The following ZNF595 variants were observed in gnomAD, a reference collection of about 807,000 sequenced individuals.
ZNF595 encodes zinc finger protein 595.
In ZNF595, 9 loss-of-function variants were observed where a neutral mutation model predicts 19.4. The observed-to-expected ratio is 0.46, with a 90% confidence interval of 0.28 to 0.81. ZNF595 has a LOEUF of 0.81. Among genes scored for constraint, ZNF595 ranks in the 30% least tolerant of loss-of-function variants. ZNF595 has a pLI of 0.11. For missense variants in ZNF595, 729 were observed against 736.0 expected (o/e 0.99, Z 0.11); for synonymous variants, 255 against 255.9 (o/e 1.00, Z 0.03).
rs1553801987 is a variant in ZNF595, at chr4:87,164, C to T, written c.1660C>T (p.His554Tyr). 29 of 1,614,018 alleles carry T rather than the reference C, an allele frequency of 1.8e-5. No individual in the cohort carries two copies. The highest frequency in any genetic ancestry group is 2.4e-5 in the Non-Finnish European group (28 of 1,179,942). ...TACTCGGTCCACAGCCCTGAATGAACATAAGAAAATTCATTCTGGAGAGAA... is the reference window on the plus strand; with the variant it reads ...TACTCGGTCCACAGCCCTGAATGAATATAAGAAAATTCATTCTGGAGAGAA... The part of the protein sequence containing the change: ...AFTRSTALNE[H>Y]KKIHSGEKPY... The change falls in exon 4 of 4, where the codon CAT (histidine) becomes TAT (tyrosine). Residue 554 changes from histidine (H) to tyrosine (Y), a missense_variant. Around this residue, in one of 2 missense-constraint regions of ZNF595, gnomAD observed 729 missense variants for 675.3 expected, o/e 1.08. Coordinates refer to ENST00000610261, the MANE Select transcript of ZNF595 (RefSeq NM_182524.4).
At chr4:80,620 G>A (rs1713864967) in intron 3 of ZNF595, among the ~76,000 whole-genome samples, 2 of 152,210 alleles carry the variant, frequency 1.3e-5, no homozygotes, top group Middle Eastern at 3.4e-3. Flanking sequence ...GGTAGGTAAT[G>A]GAAAATTACA....
chr4:75,923 T>C (rs1553798635), intron 3 of ZNF595, among the ~76,000 whole-genome samples: 1 of 152,172 alleles, frequency 6.6e-6, no homozygotes, highest in Non-Finnish European at 1.5e-5. Flanking sequence ...AGGGTCTTGC[T>C]TTCTAACCCA....
At chr4:70,538 A>T (rs782025021) in intron 3 of ZNF595, among the ~76,000 whole-genome samples, 2 of 152,060 alleles carry the variant, frequency 1.3e-5, no homozygotes, top group Non-Finnish European at 2.9e-5. Context: ...GAGTTTCACC[A>T]TGTTGGCCAC....
Position 86,001 on chromosome 4 carries a change from G to A in ZNF595, c.497G>A (p.Arg166Lys), listed in dbSNP as rs1332845937. Residue 166 changes from arginine (R) to lysine (K), a missense_variant, in exon 4 of 4, where the codon AGA (arginine) becomes AAA (lysine). Arg to Lys is a conservative substitution (Grantham distance 26). Transcript: ENST00000610261. ...KFSNSNKHKI[R>K]HTGEKPFKCT... ...TCAAATTCAAACAAACATAAGATAA[G>A]ACATACTGGAGAGAAACCCTTTAAA... 4 of 1,607,742 alleles carry A rather than the reference G, an allele frequency of 2.5e-6. No homozygotes were observed. The highest frequency in any genetic ancestry group is 3.4e-6 in the Non-Finnish European group (4 of 1,176,384).
Position 87,526 on chromosome 4 carries a change from A to G in ZNF595, c.*75A>G, listed in dbSNP as rs1222826292. ...ATTGGAGAATATTGCTCCCATATAA[A>G]CTTGTATTATTTTTCTTATTTTAAA... On this transcript the variant is annotated 3_prime_UTR_variant, in exon 4 of 4. Coordinates refer to ENST00000610261, the MANE Select transcript of ZNF595 (RefSeq NM_182524.4). 32 of 1,308,170 alleles carry G rather than the reference A, an allele frequency of 2.4e-5. No homozygotes were observed. The highest frequency in any genetic ancestry group is 3.1e-5 in the Non-Finnish European group (31 of 995,878). The allele number at this position is 1,308,170 out of a possible 1,614,324, so 81.0% of individuals were successfully genotyped here.
At chr4:82,726 G>C (rs542118307) in intron 3 of ZNF595, among the ~76,000 whole-genome samples, 120 of 152,012 alleles carry the variant, frequency 7.9e-4, no homozygotes, top group African/African-American at 2.8e-3. Context: ...TTCCAGTTTG[G>C]TCATTAAAAG....
chr4:78,182 G>C (rs1384949430), intron 3 of ZNF595, among the ~76,000 whole-genome samples: 1 of 152,088 alleles, frequency 6.6e-6, no homozygotes, highest in Non-Finnish European at 1.5e-5. Context: ...CTAATTTTTT[G>C]TATGTTTAGT....
At chr4:76,121 T>A (rs2108757317) in intron 3 of ZNF595, among the ~76,000 whole-genome samples, 1 of 152,312 alleles carries the variant, frequency 6.6e-6, no homozygotes, top group South Asian at 2.1e-4. Flanking sequence ...CTTGAACTTC[T>A]AGGCTCAAAC....
At chr4:84,690 T>C (rs1441387115) in intron 3 of ZNF595, among the ~76,000 whole-genome samples, 1 of 152,210 alleles carries the variant, frequency 6.6e-6, no homozygotes, top group Non-Finnish European at 1.5e-5. Context: ...AGTTGAAGTT[T>C]GTTGAGCTTC....
chr4:71,198 TA>T (rs1403045559), intron 3 of ZNF595, among the ~76,000 whole-genome samples: 2 of 152,248 alleles, frequency 1.3e-5, no homozygotes, highest in Admixed American at 1.3e-4. Context: ...ATATTTTGAC[TA>T]AATTTATTAG....
chr4:63,243 G>A (rs1338944996), intron 3 of ZNF595, among the ~76,000 whole-genome samples: 1 of 142,910 alleles, frequency 7.0e-6, no homozygotes, highest in Non-Finnish European at 1.5e-5. Context: ...AAATTAGAAA[G>A]TATGATGTCC....
At chr4:73,081 A>G (rs553895780) in intron 3 of ZNF595, among the ~76,000 whole-genome samples, 1 of 152,182 alleles carries the variant, frequency 6.6e-6, no homozygotes, top group Non-Finnish European at 1.5e-5. Context: ...TGTTACTGTC[A>G]TGGGGCTCTT....
rs782773229 is a variant in ZNF595, at chr4:86,195, G to A, written c.691G>A (p.Glu231Lys). Residue 231 changes from glutamate to lysine, a missense_variant, in exon 4 of 4, where the codon GAA becomes AAA. By Grantham distance (56) the Glu-to-Lys change is moderately conservative. Coordinates refer to ENST00000610261, the MANE Select transcript of ZNF595 (RefSeq NM_182524.4). ...TACTGGAGAGAAACCCTACACATGT[G>A]AAGAATGTGGCAAAGCCTTTAGACG... Reference protein sequence around the residue: ...IHTGEKPYTCEECGKAFRRST... With the variant: ...IHTGEKPYTCKECGKAFRRST... 5.0e-6 allele frequency: 8 copies of A among 1,613,232 alleles called. No individual in the cohort carries two copies. Among genetic ancestry groups the A allele is most frequent in the Non-Finnish European group, 6.8e-6 (8 of 1,179,774 alleles).
At chr4:80,843 T>C (rs1474284392) in intron 3 of ZNF595, among the ~76,000 whole-genome samples, 1 of 151,122 alleles carries the variant, frequency 6.6e-6, no homozygotes, top group Non-Finnish European at 1.5e-5. Context: ...ATTTAAGTTC[T>C]GGGATACATG....
intron 3 of ZNF595, among the ~76,000 whole-genome samples, chr4:83,829 C>G (rs1714025638): frequency 6.6e-6 from 1 of 151,408 alleles, no homozygotes; most frequent in Admixed American, 6.6e-5. Context: ...CCCTTATTTT[C>G]TTTTCTGTCT....
chr4:85,793 A>C lies in ZNF595; in HGVS notation c.289A>C (p.Lys97Gln). The C allele has an allele frequency of 6.2e-7, 1 of 1,613,122 alleles. No individual in the cohort carries two copies. The highest frequency in any genetic ancestry group is 1.3e-5 in the African/African-American group (1 of 75,034). ...PVQGIEDSFH[K>Q]LILKRYEKCG... ...GCAGGGGATAGAAGATTCATTCCACAAACTTATACTGAAAAGATACGAGAA... is the reference window on the plus strand; with the variant it reads ...GCAGGGGATAGAAGATTCATTCCACCAACTTATACTGAAAAGATACGAGAA... Residue 97 changes from lysine (K) to glutamine (Q), a missense_variant, in exon 4 of 4, where the codon AAA becomes CAA. Coordinates refer to ENST00000610261, the MANE Select transcript of ZNF595 (RefSeq NM_182524.4).
At chr4:85,604 A>G (rs1302248730) in intron 3 of ZNF595, 127 bp from the exon 4 acceptor site, 3 of 1,109,618 alleles carry the variant, frequency 2.7e-6, no homozygotes, top group Admixed American at 2.9e-5. Context: ...TGAAGAAATT[A>G]TGGCCTGTGA....
At chr4:63,119 C>T (rs1171047020) in intron 3 of ZNF595, among the ~76,000 whole-genome samples, 1 of 131,578 alleles carries the variant, frequency 7.6e-6, no homozygotes, top group South Asian at 2.8e-4. Flanking sequence ...GATTAGTTGA[C>T]CTTGTATGCA....
intron 3 of ZNF595, among the ~76,000 whole-genome samples, chr4:60,951 G>A (rs1712831506): frequency 6.6e-6 from 1 of 151,994 alleles, no homozygotes. Context: ...GGCCACATTG[G>A]AAGAAGATTT....
Sources: allele counts gnomAD v4.1 joint callset (sites outside exome capture counted in the v4.1 genomes callset), GRCh38; gene constraint gnomAD v4.1.1; regional missense constraint gnomAD v4.1.1; transcripts MANE v1.5; gene names NCBI Gene and HGNC (gene_info 2026-07-23, HGNC 2026-07-21).